CELSR1: variants seen among roughly 807,000 people sequenced by gnomAD.
The protein encoded by CELSR1 is cadherin EGF LAG seven-pass G-type receptor 1, also known as adhesion G protein-coupled receptor C1.
In CELSR1, 110 loss-of-function variants were observed where a neutral mutation model predicts 249.1. The ratio of observed to expected loss-of-function variants is 0.44; its 90% CI spans 0.38 to 0.52. The LOEUF (loss-of-function observed/expected upper bound fraction) is 0.52. CELSR1 is among the 20% of genes least tolerant of loss of function. The probability of loss-of-function intolerance (pLI) is 0.00; values close to 1 mark genes in which losing one functional copy is unlikely to be tolerated. For synonymous variants in CELSR1, 2,113 were observed against 1,900.0 expected (o/e 1.11, Z -2.92); for missense variants, 4,109 against 4,296.4 (o/e 0.96, Z 1.22).
intron 1 of CELSR1, among the ~76,000 whole-genome samples, chr22:46,501,176 G>A (rs976813360): frequency 4.7e-5 from 7 of 148,700 alleles, no homozygotes; most frequent in African/African-American, 1.7e-4. Flanking sequence ...GGGCTTACAG[G>A]CACCCGCCAT....
chr22:46,528,256 T>C (rs754872161), intron 1 of CELSR1, among the ~76,000 whole-genome samples: 6 of 152,150 alleles, frequency 3.9e-5, no homozygotes, highest in Non-Finnish European at 7.4e-5. Context: ...TGTATTTAAC[T>C]AGGCAAACAC....
At chr22:46,400,094 C>G (rs1202733774) in intron 9 of CELSR1, among the ~76,000 whole-genome samples, 192 bp from the exon 10 acceptor site, 2 of 152,090 alleles carry the variant, frequency 1.3e-5, no homozygotes, top group African/African-American at 2.4e-5. Flanking sequence ...TTTTGGGAGG[C>G]TGAGGTGGGT....
chr22:46,426,488 G>C (rs2079539432), intron 5 of CELSR1, among the ~76,000 whole-genome samples: 1 of 152,134 alleles, frequency 6.6e-6, no homozygotes, highest in Admixed American at 6.5e-5. Context: ...ATGACAGAAG[G>C]GGTGAGGGGC....
intron 19 of CELSR1, among the ~76,000 whole-genome samples, chr22:46,385,805 G>A (rs1384262154): frequency 1.3e-5 from 2 of 151,608 alleles, no homozygotes; most frequent in Admixed American, 6.6e-5. Context: ...AGCCTCCCGA[G>A]TAGCTGGGAC....
At position 46,402,591 on chromosome 22, in the gene CELSR1, G is replaced by A. The variant is rs948376681; in HGVS notation, c.5227-2689C>T. ...CTCAATAAAAAATAGCCAAGTATAC[G>A]AGGATATAAGGTAATATGCTTGAAA... On this transcript the variant is annotated intron_variant, in intron 9 of 34. Transcript: ENST00000674500. The surrounding 1 kb of genome is among the most constrained non-coding windows in gnomAD (Gnocchi z 5.0). Among the ~76,000 whole-genome samples the A allele has an allele frequency of 1.1e-4, 17 of 152,124 alleles. No homozygotes were observed. The highest frequency in any genetic ancestry group is 4.1e-4 in the African/African-American group (17 of 41,430).
In CELSR1 at chr22:46,441,085, G is replaced by A. The variant is rs192723414; in HGVS notation, c.4184-1674C>T. 2.2e-4 allele frequency among the ~76,000 whole-genome samples: 33 copies of A among 151,968 alleles called. No individual in the cohort carries two copies. In the East Asian group the frequency reaches 3.5e-3, roughly 16 times the overall value. On this transcript the variant is annotated intron_variant, in intron 2 of 34. Transcript: ENST00000674500. The surrounding 1 kb of genome is among the most constrained non-coding windows in gnomAD (Gnocchi z 6.1). ...GGAGAACTGCTTCAACCCGGGAGGC[G>A]GAGGTTGTAGCGAGCCGAGGTCACA...
rs993188796 is a variant in CELSR1, at chr22:46,454,229, C to T, written c.4183+9478G>A. On this transcript the variant is annotated intron_variant, in intron 2 of 34. Coordinates refer to ENST00000674500, the MANE Select transcript of CELSR1 (RefSeq NM_001378328.1). The surrounding 1 kb of genome is among the most constrained non-coding windows in gnomAD (Gnocchi z 5.1). ...GCAGGAGGCCCTCCCCAGGGCCTCCCGGAGCAGCCCCGCCCACGCCCCTGA... is the reference window on the plus strand; with the variant it reads ...GCAGGAGGCCCTCCCCAGGGCCTCCTGGAGCAGCCCCGCCCACGCCCCTGA... Among the ~76,000 whole-genome samples, 1 of 152,172 alleles carries T rather than the reference C, an allele frequency of 6.6e-6. No individual in the cohort carries two copies. The highest frequency in any genetic ancestry group is 1.5e-5 in the Non-Finnish European group (1 of 68,014).
chr22:46,367,759 G>GT lies in CELSR1; in HGVS notation c.8048dup (p.His2683GlnfsTer64). 6.2e-7 allele frequency: 1 copy of GT among 1,607,924 alleles called. No individual in the cohort carries two copies. Among genetic ancestry groups the GT allele is most frequent in the Non-Finnish European group, 8.5e-7 (1 of 1,178,132 alleles). On this transcript the variant is annotated frameshift_variant, in exon 28 of 35. Coordinates refer to ENST00000674500, the MANE Select transcript of CELSR1 (RefSeq NM_001378328.1). LOFTEE classifies it high-confidence loss of function. ...AGCCGCTGAAGATGGCGAAGAGGTA[G>GT]TGAAAGCTCAGTGCATCGCGGTTCA...
chr22:46,409,079 G>A lies in CELSR1; in HGVS notation c.5143C>T (p.Leu1715=). The part of the protein sequence containing the change: ...LNIIISVPWY[L]GLMFRTRKED... ...TTCCGGGTCCGGAACATGAGCCCCA[G>A]GTACCAGGGCACAGAGATGATGATG... The change falls in exon 9 of 35, where the codon CTG becomes TTG. Residue 1715 remains leucine, a synonymous_variant. Coordinates refer to ENST00000674500, the MANE Select transcript of CELSR1 (RefSeq NM_001378328.1). The surrounding 1 kb of genome is among the most constrained non-coding windows in gnomAD (Gnocchi z 9.8). 1.9e-6 allele frequency: 3 copies of A among 1,613,428 alleles called. No individual in the cohort carries two copies. Among genetic ancestry groups the A allele is most frequent in the Non-Finnish European group, 2.5e-6 (3 of 1,179,794 alleles).
Position 46,413,808 on chromosome 22 carries a change from T to C in CELSR1, c.4612-2049A>G, listed in dbSNP as rs146454911. On this transcript the variant is annotated intron_variant, in intron 5 of 34. Coordinates refer to ENST00000674500, the MANE Select transcript of CELSR1 (RefSeq NM_001378328.1). The surrounding 1 kb of genome is among the most constrained non-coding windows in gnomAD (Gnocchi z 4.7). ...GGAAAACGCGTGGAAGTGCCCATTA[T>C]GGGACGCTTAAATGTGAGATGCGAT... Among the ~76,000 whole-genome samples, 1 of 152,342 alleles carries C rather than the reference T, an allele frequency of 6.6e-6. No homozygotes were observed. Among genetic ancestry groups the C allele is most frequent in the Non-Finnish European group, 1.5e-5 (1 of 68,036 alleles).
chr22:46,424,612 C>T (rs2079516785), intron 5 of CELSR1, among the ~76,000 whole-genome samples: 1 of 152,198 alleles, frequency 6.6e-6, no homozygotes, highest in Non-Finnish European at 1.5e-5. Context: ...CACCCACTTC[C>T]CTCCTGTCCC....
At chr22:46,522,946 A>C (rs774173132) in intron 1 of CELSR1, among the ~76,000 whole-genome samples, 1 of 152,244 alleles carries the variant, frequency 6.6e-6, no homozygotes, top group Admixed American at 6.5e-5. Flanking sequence ...GCATCACAAC[A>C]CATCAAAGGA....
Position 46,448,612 on chromosome 22 carries a change from A to C in CELSR1, c.4184-9201T>G. 1 of 425,868 alleles carries C rather than the reference A, an allele frequency of 2.3e-6. No homozygotes were observed. The allele number at this position is 425,868 out of a possible 1,614,324, so 26.4% of individuals were successfully genotyped here. A position where few individuals can be genotyped will look rare whatever the true frequency, so the allele number is the denominator to read the frequency against. ...AAAAACTAGAATTTCCAAAGGCCAC[A>C]ATGGTAAAACTCAAGCACTTGATGA... On this transcript the variant is annotated intron_variant, in intron 2 of 34. Coordinates refer to ENST00000674500, the MANE Select transcript of CELSR1 (RefSeq NM_001378328.1). The surrounding 1 kb of genome is among the most constrained non-coding windows in gnomAD (Gnocchi z 5.7).
intron 1 of CELSR1, among the ~76,000 whole-genome samples, chr22:46,508,940 T>A (rs948716017): frequency 1.1e-4 from 16 of 152,026 alleles, no homozygotes; most frequent in African/African-American, 3.9e-4. Context: ...AACCCCGAGC[T>A]CCCAGAAGGC....
chr22:46,480,984 C>A (rs2080260255), intron 1 of CELSR1, among the ~76,000 whole-genome samples: 1 of 152,312 alleles, frequency 6.6e-6, no homozygotes, highest in South Asian at 2.1e-4. Flanking sequence ...CGCCTGTAAT[C>A]CCAGCACTTT....
intron 11 of CELSR1, 140 bp from the exon 12 acceptor site, chr22:46,397,988 G>A: frequency 1.3e-6 from 1 of 786,062 alleles, no homozygotes. Flanking sequence ...GGCGGGCAGG[G>A]TTGTTCCTCT....
rs528685948 is a variant in CELSR1, at chr22:46,493,693, C to A, written c.3545-29348G>T. Among the ~76,000 whole-genome samples, 6 of 152,204 alleles carry A rather than the reference C, an allele frequency of 3.9e-5. No individual in the cohort carries two copies. The East Asian group carries it at 1.2e-3, about 29-fold the overall frequency. On this transcript the variant is annotated intron_variant, in intron 1 of 34. Transcript: ENST00000674500. ...AGGTAACTAAATTATGGGGGCAGGT[C>A]TTTTCTGTGCTGTTCTCGTCATAGT...
At chr22:46,394,330 T>TG in intron 13 of CELSR1, 68 bp from the exon 14 acceptor site, 1 of 1,540,722 alleles carries the variant, frequency 6.5e-7, no homozygotes, top group Non-Finnish European at 8.7e-7. Flanking sequence ...AGAAGAGGCC[T>TG]GCAGGCAGCA....
At position 46,386,404 on chromosome 22, in the gene CELSR1, A is replaced by G. The variant is rs749104236; in HGVS notation, c.6737T>C (p.Met2246Thr). The G allele has an allele frequency of 1.8e-5, 28 of 1,566,552 alleles. No homozygotes were observed. The highest frequency in any genetic ancestry group is 7.3e-5 in the Admixed American group (4 of 54,498). The change falls in exon 19 of 35, where the codon ATG (methionine) becomes ACG (threonine). Residue 2246 changes from methionine to threonine, a missense_variant and splice_region_variant. Around this residue, in one of 7 missense-constraint regions of CELSR1, gnomAD observed 1,805 missense variants for 1,831.6 expected, o/e 0.99. Transcript: ENST00000674500. ...CCCCAACGCAGCCAGCGCCTTACTCATGTTGGCGGTGACGATGACGAAGGG... is the reference window on the plus strand; with the variant it reads ...CCCCAACGCAGCCAGCGCCTTACTCGTGTTGGCGGTGACGATGACGAAGGG... ...LRPFVIVTAN[M>T]ILAVDIFDKF...
Sources: allele counts gnomAD v4.1 joint callset (sites outside exome capture counted in the v4.1 genomes callset), GRCh38; gene constraint gnomAD v4.1.1; regional missense constraint gnomAD v4.1.1; non-coding constraint Gnocchi (gnomAD v3.1); transcripts MANE v1.5; gene names NCBI Gene and HGNC (gene_info 2026-07-23, HGNC 2026-07-21).